Variants in USH2A observed in about 807,000 individuals in gnomAD.
The protein encoded by USH2A is Usher syndrome 2A (autosomal recessive, mild).
USH2A carries 443 observed loss-of-function variants against 538.9 expected under a neutral mutation model. The ratio of observed to expected loss-of-function variants is 0.82; its 90% confidence interval spans 0.76 to 0.89. USH2A has a LOEUF of 0.89. Among genes scored for constraint, USH2A ranks in the 40% least tolerant of loss-of-function variants. The pLI, the probability that USH2A is intolerant of heterozygous loss-of-function variation, is 0.00. For synonymous variants in USH2A, 2,413 were observed against 2,273.5 expected (o/e 1.06, Z -1.75); for missense variants, 6,633 against 6,324.8 (o/e 1.05, Z -1.65).
At chr1:215,720,037 T>C (rs977528124) in intron 61 of USH2A, among the ~76,000 whole-genome samples, 4 of 152,096 alleles carry the variant, frequency 2.6e-5, no homozygotes, top group Admixed American at 2.6e-4. Context: ...ATGAGTATGA[T>C]TTAGAAAAAT....
At chr1:216,005,572 T>C (rs1668372598) in intron 32 of USH2A, among the ~76,000 whole-genome samples, 1 of 151,912 alleles carries the variant, frequency 6.6e-6, no homozygotes, top group Admixed American at 6.6e-5. Context: ...AGGCTGCCAT[T>C]TTTTTTTCTC....
At chr1:216,025,352 A>G (rs974383597) in intron 32 of USH2A, among the ~76,000 whole-genome samples, 1 of 149,716 alleles carries the variant, frequency 6.7e-6, no homozygotes, top group African/African-American at 2.5e-5. Context: ...TGAAATTATC[A>G]TGAACTTTTC....
chr1:216,353,428 T>C (rs949715292), intron 4 of USH2A, among the ~76,000 whole-genome samples: 1 of 151,152 alleles, frequency 6.6e-6, no homozygotes, highest in Non-Finnish European at 1.5e-5. Flanking sequence ...CATGTTTCAG[T>C]TTTAAATATT....
Position 215,932,236 on chromosome 1 carries a change from C to T in USH2A, c.7300+2380G>A, listed in dbSNP as rs182123621. ...CCAACTATAATGGAAAAGTAAATAG[C>T]ATATAGAACCTTCTCTGCCCATAAG... is the stretch of plus-strand genomic sequence containing the variant. On this transcript the variant is annotated intron_variant, in intron 38 of 71. Coordinates refer to ENST00000307340, the MANE Select transcript of USH2A (RefSeq NM_206933.4). Among the ~76,000 whole-genome samples, 323 of 152,026 alleles carry T rather than the reference C, an allele frequency of 2.1e-3. 2 individuals are homozygous for T. Among genetic ancestry groups the T allele is most frequent in the Middle Eastern group, 0.014 (4 of 294 alleles).
At chr1:216,147,682 A>G (rs1464009139) in intron 21 of USH2A, among the ~76,000 whole-genome samples, 1 of 151,066 alleles carries the variant, frequency 6.6e-6, no homozygotes, top group Non-Finnish European at 1.5e-5. Context: ...AAGGTGTACC[A>G]TAATAGAAAA....
intron 62 of USH2A, among the ~76,000 whole-genome samples, chr1:215,679,157 T>C (rs1199455690): frequency 6.6e-6 from 1 of 152,218 alleles, no homozygotes; most frequent in Non-Finnish European, 1.5e-5. Flanking sequence ...GCCCACAGGA[T>C]GGACCTGGGA....
At chr1:215,889,179 G>A in intron 40 of USH2A, 125 bp from the exon 41 acceptor site, 3 of 1,152,362 alleles carry the variant, frequency 2.6e-6, no homozygotes, top group East Asian at 2.5e-5. Context: ...AGGCCAATAA[G>A]TAAATAAATA....
At chr1:215,995,386 G>A (rs112399608) in intron 34 of USH2A, among the ~76,000 whole-genome samples, 27 of 152,172 alleles carry the variant, frequency 1.8e-4, no homozygotes, top group African/African-American at 6.0e-4. Context: ...AGAATTACCT[G>A]CAAATTATTT....
At chr1:215,969,779 C>A (rs1448080961) in intron 36 of USH2A, among the ~76,000 whole-genome samples, 1 of 152,038 alleles carries the variant, frequency 6.6e-6, no homozygotes, top group Non-Finnish European at 1.5e-5. Flanking sequence ...GAGCTGTCTT[C>A]CAAGGTAATA....
chr1:216,243,206 C>G (rs996427586), intron 13 of USH2A, among the ~76,000 whole-genome samples: 1 of 152,084 alleles, frequency 6.6e-6, no homozygotes, highest in Non-Finnish European at 1.5e-5. Context: ...AAGAAACAGT[C>G]GAAGATCCCA....
chr1:216,417,222 T>C (rs1378942047), intron 3 of USH2A, among the ~76,000 whole-genome samples: 3 of 148,868 alleles, frequency 2.0e-5, no homozygotes, highest in Non-Finnish European at 4.4e-5. Flanking sequence ...TGAACAATTA[T>C]CAAGACCCTC....
At chr1:216,097,898 T>C (rs184093103) in intron 21 of USH2A, among the ~76,000 whole-genome samples, 99 of 151,864 alleles carry the variant, frequency 6.5e-4, no homozygotes, top group African/African-American at 2.3e-3. Flanking sequence ...TCTCCAGCCC[T>C]ATGAATGATG....
intron 11 of USH2A, among the ~76,000 whole-genome samples, chr1:216,260,609 A>C (rs1024827376): frequency 2.0e-5 from 3 of 152,186 alleles, no homozygotes; most frequent in Non-Finnish European, 4.4e-5. Context: ...AAGGTTGAGA[A>C]TCATGAATTA....
chr1:215,790,049 T>C lies in USH2A; in HGVS notation c.10182+10A>G. On this transcript the variant is annotated intron_variant, in intron 51 of 71. Transcript: ENST00000307340. ...AAATCAGCGCCTCCGAGAGCTTTTC[T>C]ATCAATTACCTTCATCATCATTCCA... The C allele has an allele frequency of 6.2e-7, 1 of 1,612,422 alleles. No homozygotes were observed.
At chr1:215,985,554 T>A (rs1012491299) in intron 35 of USH2A, among the ~76,000 whole-genome samples, 2 of 152,198 alleles carry the variant, frequency 1.3e-5, no homozygotes, top group Non-Finnish European at 2.9e-5. Flanking sequence ...AATACCTATT[T>A]CATGGGCTAG....
chr1:216,293,134 C>A (rs745523503), intron 9 of USH2A, among the ~76,000 whole-genome samples: 9 of 151,512 alleles, frequency 5.9e-5, no homozygotes, highest in Non-Finnish European at 1.3e-4. Flanking sequence ...AAGCGATTCT[C>A]CCGCCTCAGC....
At chr1:216,064,079 T>C (rs1571928073) in intron 30 of USH2A, among the ~76,000 whole-genome samples, 2 of 152,324 alleles carry the variant, frequency 1.3e-5, no homozygotes, top group South Asian at 4.1e-4. Context: ...CAGCATGAAG[T>C]TCAAACCCCA....
chr1:215,623,460 T>C lies in USH2A; in HGVS notation c.*2321A>G, dbSNP rs763123068. 6.6e-6 allele frequency: 1 copy of C among 151,274 alleles called. No individual in the cohort carries two copies. Among genetic ancestry groups the C allele is most frequent in the African/African-American group, 2.4e-5 (1 of 41,404 alleles). The allele number at this position is 151,274 out of a possible 1,614,324, so 9.4% of individuals were successfully genotyped here. A position where few individuals can be genotyped will look rare whatever the true frequency, so the allele number is the denominator to read the frequency against. ...TGATGCCTCAGCCACACACCCCAGA[T>C]CAACCGAATCAGAATCTCTAGAGGC... On this transcript the variant is annotated 3_prime_UTR_variant, in exon 72 of 72. Coordinates refer to ENST00000307340, the MANE Select transcript of USH2A (RefSeq NM_206933.4).
intron 47 of USH2A, among the ~76,000 whole-genome samples, chr1:215,829,949 T>C (rs994752709): frequency 2.0e-5 from 3 of 152,166 alleles, no homozygotes; most frequent in African/African-American, 7.2e-5. Flanking sequence ...CAATATGGAA[T>C]AAGCCCATTA....
Sources: allele counts gnomAD v4.1 joint callset (sites outside exome capture counted in the v4.1 genomes callset), GRCh38; gene constraint gnomAD v4.1.1; transcripts MANE v1.5; gene names NCBI Gene and HGNC (gene_info 2026-07-23, HGNC 2026-07-21).